The following LURAP1L variants were observed in gnomAD, a reference collection of about 807,000 sequenced individuals.
LURAP1L encodes leucine rich adaptor protein 1-like.
In LURAP1L, 12 loss-of-function variants were observed where a neutral mutation model predicts 13.8. The ratio of observed to expected loss-of-function variants is 0.87; its 90% CI spans 0.56 to 1.41. The LOEUF (loss-of-function observed/expected upper bound fraction) is 1.41, where lower values mean the gene tolerates loss of function less well. Among genes scored for constraint, LURAP1L ranks in the 40% most tolerant of loss-of-function variants. The pLI is 0.00. For synonymous variants in LURAP1L, 139 were observed against 119.2 expected (o/e 1.17, Z -1.08); for missense variants, 375 against 292.9 (o/e 1.28, Z -2.04).
rs183154823 is a variant in LURAP1L at position 12,799,590 on chromosome 9, A to T, written c.313-21796A>T. Among the ~76,000 whole-genome samples, 925 of 152,262 alleles carry T rather than the reference A, an allele frequency of 6.1e-3. 4 individuals carry two copies. The highest frequency in any genetic ancestry group is 9.6e-3 in the Non-Finnish European group (652 of 68,006). ...CATCCTTGAATGTGGAAGACATTTT[A>T]AAAAATTAGGCCGGGTGTGGTGGCT... is the stretch of plus-strand genomic sequence containing the variant. On this transcript the variant is annotated intron_variant, in intron 1 of 1. Transcript: ENST00000319264.
In LURAP1L at chr9:12,775,906, G is replaced by C; in HGVS notation, c.191G>C (p.Ser64Thr). ...TGCAGTAGCAGCAGCAGCTACTGCA[G>C]CTTCCCTCCCTCCTTGTCGTCCTCC... ...GGCSSSSSYCSFPPSLSSSSS... is the reference protein window; with the variant it reads ...GGCSSSSSYCTFPPSLSSSSS... The change falls in exon 1 of 2, where the codon AGC becomes ACC. Residue 64 changes from serine (S) to threonine (T), a missense_variant. By Grantham distance (58) the Ser-to-Thr change is moderately conservative (BLOSUM62 1). Coordinates refer to ENST00000319264, the MANE Select transcript of LURAP1L (RefSeq NM_203403.2). The C allele has an allele frequency of 1.9e-6, 3 of 1,568,116 alleles. No individual in the cohort carries two copies. Among genetic ancestry groups the C allele is most frequent in the Non-Finnish European group, 2.6e-6 (3 of 1,156,216 alleles).
chr9:12,795,446 C>G (rs1198546435), intron 1 of LURAP1L, among the ~76,000 whole-genome samples: 2 of 151,878 alleles, frequency 1.3e-5, no homozygotes, highest in African/African-American at 2.4e-5. Context: ...GAAATTCCTT[C>G]TAGAAAAATC....
At chr9:12,812,355 A>G (rs79519284) in intron 1 of LURAP1L, among the ~76,000 whole-genome samples, 357 of 152,308 alleles carry the variant, frequency 2.3e-3, no homozygotes, top group African/African-American at 8.4e-3. Context: ...TTTGATCCAT[A>G]GGTACATTCA....
chr9:12,779,266 C>CTTTTTTTTTTTTTT (rs71329885), intron 1 of LURAP1L, among the ~76,000 whole-genome samples: 1 of 90,258 alleles, frequency 1.1e-5, no homozygotes, highest in African/African-American at 4.1e-5. Context: ...ATCTTATAAT[C>CTTTTTTTTTTTTTT]TTTTTTTTTT....
intron 1 of LURAP1L, among the ~76,000 whole-genome samples, chr9:12,810,902 C>T (rs1819727377): frequency 6.6e-6 from 1 of 152,162 alleles, no homozygotes; most frequent in African/African-American, 2.4e-5. Flanking sequence ...CAAAACAAAA[C>T]TGATCTTAAG....
At chr9:12,820,512 C>CA (rs1279613551) in intron 1 of LURAP1L, among the ~76,000 whole-genome samples, 3 of 88,812 alleles carry the variant, frequency 3.4e-5, no homozygotes, top group African/African-American at 8.7e-5. Flanking sequence ...CCCCCCCCCC[C>CA]CCAAAAAAAA....
chr9:12,777,576 A>C, intron 1 of LURAP1L: 2 of 976,838 alleles, frequency 2.0e-6, no homozygotes, highest in Non-Finnish European at 2.4e-6. Flanking sequence ...TTGTTGAAAC[A>C]TATTTTCTTT....
At chr9:12,794,061 G>A (rs1586879559) in intron 1 of LURAP1L, among the ~76,000 whole-genome samples, 2 of 152,136 alleles carry the variant, frequency 1.3e-5, no homozygotes, top group East Asian at 3.9e-4. Context: ...AAGCCTCCTA[G>A]GAGTAATATC....
chr9:12,804,542 T>C (rs915818582), intron 1 of LURAP1L, among the ~76,000 whole-genome samples: 2 of 151,980 alleles, frequency 1.3e-5, no homozygotes, highest in Non-Finnish European at 2.9e-5. Context: ...GGAGTTTCAC[T>C]ATGTTGGCCA....
chr9:12,819,698 T>C (rs112877388), intron 1 of LURAP1L, among the ~76,000 whole-genome samples: 5,769 of 152,206 alleles, frequency 0.038, 394 homozygotes, highest in African/African-American at 0.13. Context: ...CTCACGCTTG[T>C]AATCTCAGCA....
chr9:12,787,637 C>T (rs971057357), intron 1 of LURAP1L, among the ~76,000 whole-genome samples: 1 of 152,142 alleles, frequency 6.6e-6, no homozygotes, highest in Non-Finnish European at 1.5e-5. Context: ...TTCTCTGGCT[C>T]TCAAAGCACA....
rs1819146078 is a variant in LURAP1L at position 12,775,054 on chromosome 9, G to A, written c.-662G>A. 1 of 152,168 alleles carries A rather than the reference G, an allele frequency of 6.6e-6. No homozygotes were observed. The allele number at this position is 152,168 out of a possible 1,614,324, so 9.4% of individuals were successfully genotyped here. A position where few individuals can be genotyped will look rare whatever the true frequency, so the allele number is the denominator to read the frequency against. ...GATCAAACAGCCTAAATGGGAAGAA[G>A]GACATTTTTGCTGCATCAAGGAAGC... On this transcript the variant is annotated 5_prime_UTR_variant, in exon 1 of 2. Coordinates refer to ENST00000319264, the MANE Select transcript of LURAP1L (RefSeq NM_203403.2).
At position 12,806,235 on chromosome 9, in the gene LURAP1L, C is replaced by T. The variant is rs139833229; in HGVS notation, c.313-15151C>T. ...TGAGAGAACCAGCAAGATGGTACAG[C>T]TGGTTCAAGAGAACTAGATGAGTAG... On this transcript the variant is annotated intron_variant, in intron 1 of 1. Coordinates refer to ENST00000319264, the MANE Select transcript of LURAP1L (RefSeq NM_203403.2). 8.3e-3 allele frequency among the ~76,000 whole-genome samples: 1,269 copies of T among 152,248 alleles called. 4 individuals are homozygous for T. The highest frequency in any genetic ancestry group is 0.017 in the Middle Eastern group (5 of 294).
rs998831148 is a variant in LURAP1L, at chr9:12,821,746, T to A, written c.673T>A (p.Tyr225Asn). Residue 225 changes from tyrosine to asparagine, a missense_variant, in exon 2 of 2, where the codon TAC becomes AAC. Transcript: ENST00000319264. Reference protein sequence around the residue: ...HKRPKLDSEYYCFG With the variant: ...HKRPKLDSEYNCFG ...GCGTCCTAAATTGGATTCTGAATAC[T>A]ACTGCTTTGGCTAGTGACAGTTTTT... 5 of 1,611,988 alleles carry A rather than the reference T, an allele frequency of 3.1e-6. No homozygotes were observed. Among genetic ancestry groups the A allele is most frequent in the Non-Finnish European group, 4.2e-6 (5 of 1,178,260 alleles).
At chr9:12,794,099 G>A (rs1052850421) in intron 1 of LURAP1L, among the ~76,000 whole-genome samples, 4 of 151,984 alleles carry the variant, frequency 2.6e-5, no homozygotes, top group Non-Finnish European at 2.9e-5. Flanking sequence ...AGTTTAAAAC[G>A]GAGATACAGA....
intron 1 of LURAP1L, among the ~76,000 whole-genome samples, chr9:12,813,828 C>T (rs187062994): frequency 1.4e-4 from 22 of 152,162 alleles, no homozygotes; most frequent in South Asian, 4.1e-4. Context: ...CAGTGGATCA[C>T]ATATCAGGTG....
chr9:12,778,616 A>G (rs1819224777), intron 1 of LURAP1L, among the ~76,000 whole-genome samples: 1 of 152,210 alleles, frequency 6.6e-6, no homozygotes, highest in Non-Finnish European at 1.5e-5. Context: ...TGACTCTATC[A>G]TGTCATCTCC....
intron 1 of LURAP1L, among the ~76,000 whole-genome samples, chr9:12,782,832 T>C (rs563416201): frequency 5.7e-4 from 87 of 152,310 alleles, no homozygotes; most frequent in Middle Eastern, 3.4e-3. Flanking sequence ...TAAAAAATGT[T>C]GATCTTCCAA....
intron 1 of LURAP1L, among the ~76,000 whole-genome samples, chr9:12,776,247 GAC>G (rs1354400417): frequency 6.6e-6 from 1 of 152,152 alleles, no homozygotes; most frequent in Non-Finnish European, 1.5e-5. Flanking sequence ...GGTTTGCAAA[GAC>G]AGCACAGTCG....
Sources: allele counts gnomAD v4.1 joint callset (sites outside exome capture counted in the v4.1 genomes callset), GRCh38; gene constraint gnomAD v4.1.1; transcripts MANE v1.5; gene names NCBI Gene and HGNC (gene_info 2026-07-23, HGNC 2026-07-21).